Variants in PLCB4 observed in about 807,000 individuals in gnomAD.
PLCB4 encodes the protein phospholipase C beta 4, also known as 1-phosphatidylinositol 4,5-bisphosphate phosphodiesterase beta-4.
Under a neutral mutation model 178.8 loss-of-function variants are expected in PLCB4, and 77 were observed. The observed-to-expected ratio is 0.43, with a 90% CI of 0.36 to 0.52. PLCB4 has a LOEUF of 0.52. Among genes scored for constraint, PLCB4 ranks in the 20% least tolerant of loss-of-function variants. The probability of loss-of-function intolerance (pLI) is 0.00; values close to 1 mark genes in which losing one functional copy is unlikely to be tolerated. For missense variants in PLCB4, 1,024 were observed against 1,453.4 expected, an observed-to-expected ratio of 0.70 and a Z score of 4.80; for synonymous variants, 496 against 490.8, an observed-to-expected ratio of 1.01 and a Z score of -0.14.
intron 3 of PLCB4, among the ~76,000 whole-genome samples, chr20:9,251,828 A>G (rs926247180): frequency 2.6e-5 from 4 of 152,224 alleles, no homozygotes; most frequent in Admixed American, 6.5e-5. Context: ...CCTAATGGCC[A>G]TATTTTTTGA....
chr20:9,312,474 T>G (rs1265041726), intron 4 of PLCB4, among the ~76,000 whole-genome samples: 2 of 151,202 alleles, frequency 1.3e-5, no homozygotes, highest in South Asian at 2.1e-4. Flanking sequence ...AGTATCAAAG[T>G]GCAGGGTCAA....
chr20:9,306,154 G>A (rs1010037901), intron 3 of PLCB4, among the ~76,000 whole-genome samples: 9 of 152,088 alleles, frequency 5.9e-5, no homozygotes, highest in East Asian at 5.8e-4. Context: ...ACCCAGGCTG[G>A]AGTGCAGTGA....
At chr20:9,363,616 C>T (rs1017529464) in intron 8 of PLCB4, among the ~76,000 whole-genome samples, 1 of 152,138 alleles carries the variant, frequency 6.6e-6, no homozygotes, top group African/African-American at 2.4e-5. Flanking sequence ...AGATTTAAAC[C>T]CTACCCAAGT....
intron 32 of PLCB4, among the ~76,000 whole-genome samples, chr20:9,449,969 C>G (rs1366309685): frequency 6.6e-6 from 1 of 152,168 alleles, no homozygotes; most frequent in Non-Finnish European, 1.5e-5. Flanking sequence ...TTTTTCAGCA[C>G]CCTCTGTGGT....
intron 8 of PLCB4, among the ~76,000 whole-genome samples, chr20:9,363,838 T>G (rs992029720): frequency 2.6e-5 from 4 of 152,044 alleles, no homozygotes; most frequent in African/African-American, 9.7e-5. Flanking sequence ...GCACCAAGAG[T>G]GTGATTCATC....
At chr20:9,273,300 G>A (rs1055956096) in intron 3 of PLCB4, among the ~76,000 whole-genome samples, 21 of 152,090 alleles carry the variant, frequency 1.4e-4, no homozygotes, top group Non-Finnish European at 1.2e-4. Flanking sequence ...CAATATTAAC[G>A]CCTTTAATTC....
intron 2 of PLCB4, among the ~76,000 whole-genome samples, chr20:9,198,130 T>G (rs551104386): frequency 1.2e-3 from 181 of 152,342 alleles, no homozygotes; most frequent in Middle Eastern, 0.01. Flanking sequence ...TCCCTCTAGG[T>G]GTAGTCTCAG....
chr20:9,455,340 A>C (rs1178223826), intron 33 of PLCB4, among the ~76,000 whole-genome samples: 2 of 152,196 alleles, frequency 1.3e-5, no homozygotes, highest in African/African-American at 4.8e-5. Context: ...GAGATTTCAG[A>C]TCCAAGCACC....
intron 2 of PLCB4, among the ~76,000 whole-genome samples, chr20:9,104,539 C>T (rs1049802831): frequency 6.6e-6 from 1 of 152,098 alleles, no homozygotes; most frequent in African/African-American, 2.4e-5. Flanking sequence ...ATCTTGTCCT[C>T]AGATTCAATT....
In PLCB4 at chr20:9,265,857, A is replaced by G. The variant is rs1416505045; in HGVS notation, c.-15-41943A>G. On this transcript the variant is annotated intron_variant, in intron 3 of 39. Coordinates refer to ENST00000378473, the MANE Select transcript of PLCB4 (RefSeq NM_001377142.1). Reference sequence around the variant, plus strand: ...CAAGCGGCAGCATGGTCATCTTGTTAGAAATGCAGATTCTCAGGCCCCACC... The same window carrying G: ...CAAGCGGCAGCATGGTCATCTTGTTGGAAATGCAGATTCTCAGGCCCCACC... Among the ~76,000 whole-genome samples, 7 of 152,336 alleles carry G rather than the reference A, an allele frequency of 4.6e-5. No homozygotes were observed. The East Asian group carries it at 1.2e-3, about 25-fold the overall frequency.
intron 3 of PLCB4, among the ~76,000 whole-genome samples, chr20:9,304,132 A>G (rs1341626096): frequency 1.4e-5 from 2 of 147,114 alleles, no homozygotes; most frequent in Non-Finnish European, 3.0e-5. Flanking sequence ...TTGGCTACAT[A>G]TTACATATCT....
intron 26 of PLCB4, among the ~76,000 whole-genome samples, chr20:9,420,181 A>G (rs1246954537): frequency 6.6e-6 from 1 of 152,184 alleles, no homozygotes; most frequent in Non-Finnish European, 1.5e-5. Flanking sequence ...ACAGACAGTA[A>G]ATCAGTGATG....
intron 2 of PLCB4, among the ~76,000 whole-genome samples, chr20:9,154,968 T>TTCCTTCCTTCC (rs2092762538): frequency 1.0e-5 from 1 of 96,572 alleles, no homozygotes; most frequent in South Asian, 3.8e-4. Context: ...TCCTTCCTTC[T>TTCCTTCCTTCC]GCTTTTGGGG....
chr20:9,092,892 G>A (rs1276636475), intron 1 of PLCB4, among the ~76,000 whole-genome samples: 1 of 152,110 alleles, frequency 6.6e-6, no homozygotes, highest in Non-Finnish European at 1.5e-5. Context: ...ACTGTGTCAT[G>A]TGGCTATCCC....
intron 3 of PLCB4, among the ~76,000 whole-genome samples, chr20:9,300,131 A>T (rs564512092): frequency 2.0e-5 from 3 of 152,268 alleles, no homozygotes; most frequent in South Asian, 2.1e-4. Context: ...AAATATAAGG[A>T]TATCTTATTT....
At chr20:9,431,368 T>C (rs1424790243) in intron 28 of PLCB4, among the ~76,000 whole-genome samples, 1 of 152,168 alleles carries the variant, frequency 6.6e-6, no homozygotes, top group East Asian at 1.9e-4. Context: ...GCAAAGACCC[T>C]GTTTATAAAT....
At chr20:9,362,047 C>T (rs1341395809) in intron 7 of PLCB4, among the ~76,000 whole-genome samples, 1 of 152,188 alleles carries the variant, frequency 6.6e-6, no homozygotes, top group African/African-American at 2.4e-5. Flanking sequence ...TCTAAGCAGT[C>T]AGGCTGTAAA....
At chr20:9,395,803 T>G (rs1474730844) in intron 19 of PLCB4, among the ~76,000 whole-genome samples, 185 bp downstream of exon 19, 1 of 152,106 alleles carries the variant, frequency 6.6e-6, no homozygotes, top group Non-Finnish European at 1.5e-5. Context: ...TGAGACCCCA[T>G]GTCTACAAAA....
At position 9,258,627 on chromosome 20, in the gene PLCB4, A is replaced by G. The variant is rs183632554; in HGVS notation, c.-16+41175A>G. ...CTACTCAGGATGCTGAGGCAGGAGA[A>G]TCGCTTGAACTCGGGAGGCGGAGGT... On this transcript the variant is annotated intron_variant, in intron 3 of 39. Coordinates refer to ENST00000378473, the MANE Select transcript of PLCB4 (RefSeq NM_001377142.1). Among the ~76,000 whole-genome samples the G allele has an allele frequency of 2.3e-4, 35 of 150,582 alleles. 1 individual carries two copies. The highest frequency in any genetic ancestry group is 1.1e-3 in the South Asian group (5 of 4,760).
Sources: gnomAD v4.1 joint callset for allele counts (sites outside exome capture counted in the v4.1 genomes callset) on GRCh38, gnomAD v4.1.1 for gene constraint, MANE v1.5 for transcripts, NCBI Gene and HGNC (gene_info 2026-07-23, HGNC 2026-07-21) for gene names.